Variants in SLC6A11 observed in about 807,000 individuals in gnomAD.
SLC6A11 encodes sodium- and chloride-dependent GABA transporter 3.
A neutral mutation model predicts 74.8 loss-of-function variants in SLC6A11; 25 were observed. The observed-to-expected ratio is 0.33, with a 90% CI of 0.24 to 0.47. The LOEUF is 0.47. SLC6A11 is among the 20% of genes least tolerant of loss of function. The pLI is 1.00. For synonymous variants in SLC6A11, 330 were observed against 330.2 expected (o/e 1.00, Z 0.01); for missense variants, 574 against 837.0 (o/e 0.69, Z 3.88).
In SLC6A11 at chr3:10,871,543, G is replaced by T. The variant is rs114101079; in HGVS notation, c.757-3418G>T. 7.7e-4 allele frequency among the ~76,000 whole-genome samples: 117 copies of T among 152,090 alleles called. No homozygotes were observed. The East Asian group carries it at 0.019, about 24-fold the overall frequency. ...GACTTAAGCTGATTGGCTTTGGTTG[G>T]GGGGGAGGGGGTGATTTTGAAGGAA... On this transcript the variant is annotated intron_variant, in intron 5 of 13. Transcript: ENST00000254488.
intron 5 of SLC6A11, among the ~76,000 whole-genome samples, chr3:10,873,399 G>GCTATGCTATCCTATC (rs1694852474): frequency 2.2e-5 from 2 of 90,764 alleles, no homozygotes; most frequent in Non-Finnish European, 4.3e-5. Context: ...CCTATCCTAT[G>GCTATGCTATCCTATC]CTATCCTATC....
At chr3:10,925,925 A>G (rs988568256) in intron 8 of SLC6A11, 79 bp from the exon 9 acceptor site, 1 of 793,606 alleles carries the variant, frequency 1.3e-6, no homozygotes, top group Non-Finnish European at 2.1e-6. Flanking sequence ...GGAGGCACTC[A>G]GTAAATGCTG....
chr3:10,909,109 C>A (rs1213212937), intron 6 of SLC6A11, among the ~76,000 whole-genome samples: 190 of 103,796 alleles, frequency 1.8e-3, no homozygotes, highest in African/African-American at 1.9e-3. Flanking sequence ...ACATCCCCAG[C>A]AAAAAAAAAA....
At chr3:10,860,907 T>C (rs576899893) in intron 5 of SLC6A11, among the ~76,000 whole-genome samples, 2 of 152,302 alleles carry the variant, frequency 1.3e-5, no homozygotes, top group South Asian at 4.1e-4. Flanking sequence ...CAGGTAGACA[T>C]ATACATAAGA....
chr3:10,900,385 G>A (rs1382285915), intron 6 of SLC6A11, among the ~76,000 whole-genome samples: 1 of 152,164 alleles, frequency 6.6e-6, no homozygotes, highest in Non-Finnish European at 1.5e-5. Context: ...AAAGGGTTGG[G>A]GATTCAAAAG....
At chr3:10,828,931 A>T (rs1694255509) in intron 4 of SLC6A11, among the ~76,000 whole-genome samples, 1 of 152,218 alleles carries the variant, frequency 6.6e-6, no homozygotes, top group Non-Finnish European at 1.5e-5. Flanking sequence ...TTGCCAGCAC[A>T]TTCTAGGTGC....
chr3:10,853,846 G>A (rs148276449), intron 5 of SLC6A11, among the ~76,000 whole-genome samples: 6 of 152,288 alleles, frequency 3.9e-5, no homozygotes, highest in African/African-American at 1.2e-4. Flanking sequence ...CACCTTGCAC[G>A]TGACAGAGCC....
chr3:10,843,390 G>A (rs1163393752), intron 4 of SLC6A11, among the ~76,000 whole-genome samples: 1 of 152,112 alleles, frequency 6.6e-6, no homozygotes, highest in Admixed American at 6.5e-5. Context: ...CTGCCTCCCA[G>A]CTTGCTGTTC....
chr3:10,891,559 G>A (rs1378651495), intron 6 of SLC6A11, among the ~76,000 whole-genome samples: 1 of 152,046 alleles, frequency 6.6e-6, no homozygotes, highest in African/African-American at 2.4e-5. Flanking sequence ...TACTCATGAA[G>A]GTATTTGGCA....
intron 6 of SLC6A11, among the ~76,000 whole-genome samples, chr3:10,890,711 C>T (rs1575691229): frequency 6.6e-6 from 1 of 152,210 alleles, no homozygotes; most frequent in Non-Finnish European, 1.5e-5. Flanking sequence ...TTTCTTTGCT[C>T]CCCATTGTTT....
chr3:10,837,259 G>C lies in SLC6A11; in HGVS notation c.624-6955G>C, dbSNP rs532442881. On this transcript the variant is annotated intron_variant, in intron 4 of 13. Coordinates refer to ENST00000254488, the MANE Select transcript of SLC6A11 (RefSeq NM_014229.3). ...AATGTGAGGAAGTGCAGGATGTTTG[G>C]GGACTGATGGAGACTGGTGTGTGGC... is the stretch of plus-strand genomic sequence containing the variant. 2.0e-3 allele frequency among the ~76,000 whole-genome samples: 298 copies of C among 152,330 alleles called. 1 individual carries two copies. The highest frequency in any genetic ancestry group is 6.8e-3 in the African/African-American group (281 of 41,568).
At chr3:10,868,773 C>T (rs1694794031) in intron 5 of SLC6A11, among the ~76,000 whole-genome samples, 1 of 152,238 alleles carries the variant, frequency 6.6e-6, no homozygotes, top group African/African-American at 2.4e-5. Context: ...GCTGTGGCCT[C>T]TTGCCTCTTC....
In SLC6A11 at chr3:10,938,650, A is replaced by T. The variant is rs1364231653; in HGVS notation, c.*248A>T. 1 of 355,092 alleles carries T rather than the reference A, an allele frequency of 2.8e-6. No individual in the cohort carries two copies. Among genetic ancestry groups the T allele is most frequent in the African/African-American group, 2.1e-5 (1 of 48,768 alleles). The allele number at this position is 355,092 out of a possible 1,614,324, so 22.0% of individuals were successfully genotyped here. A position where few individuals can be genotyped will look rare whatever the true frequency, so the allele number is the denominator to read the frequency against. ...CGGGGACTGCCAGATCTTCTGTCCT[A>T]GGGCAGTTTTAATCAATGTTTTCTA... On this transcript the variant is annotated 3_prime_UTR_variant, in exon 14 of 14. Transcript: ENST00000254488.
chr3:10,899,190 A>G (rs1695207219), intron 6 of SLC6A11, among the ~76,000 whole-genome samples: 1 of 152,166 alleles, frequency 6.6e-6, no homozygotes, highest in Non-Finnish European at 1.5e-5. Flanking sequence ...AAACCATATC[A>G]ATGCAGAAAT....
chr3:10,852,360 G>A (rs1694587160), intron 5 of SLC6A11, among the ~76,000 whole-genome samples: 1 of 152,276 alleles, frequency 6.6e-6, no homozygotes, highest in African/African-American at 2.4e-5. Flanking sequence ...TGTGGTTTGG[G>A]GAGAGCAGTA....
chr3:10,935,541 G>A (rs147957143), intron 13 of SLC6A11: 3 of 225,120 alleles, frequency 1.3e-5, no homozygotes, highest in African/African-American at 2.3e-5. Flanking sequence ...AAGTGTTAGC[G>A]CTGACTGTTT....
intron 6 of SLC6A11, among the ~76,000 whole-genome samples, chr3:10,876,737 GC>G (rs71055841): frequency 5.2e-3 from 126 of 24,144 alleles, no homozygotes; most frequent in South Asian, 0.016. Flanking sequence ...TAAACGCCCC[GC>G]CCCCCCCCCC....
At chr3:10,901,135 A>T (rs115729790) in intron 6 of SLC6A11, among the ~76,000 whole-genome samples, 3,349 of 152,294 alleles carry the variant, frequency 0.022, 76 homozygotes, top group South Asian at 0.071. Flanking sequence ...CTGCATGGAC[A>T]TCTTGGGAAG....
intron 6 of SLC6A11, among the ~76,000 whole-genome samples, chr3:10,886,252 G>T (rs1409073937): frequency 6.6e-6 from 1 of 152,164 alleles, no homozygotes; most frequent in Non-Finnish European, 1.5e-5. Flanking sequence ...AGCAGAGATC[G>T]ACTCCCTTGC....
Sources: allele counts gnomAD v4.1 joint callset (sites outside exome capture counted in the v4.1 genomes callset), GRCh38; gene constraint gnomAD v4.1.1; transcripts MANE v1.5; gene names NCBI Gene and HGNC (gene_info 2026-07-23, HGNC 2026-07-21).